Variants in SLC25A13 observed in about 807,000 individuals in gnomAD.
SLC25A13 encodes the protein solute carrier family 25 member 13.
A neutral mutation model predicts 85.5 loss-of-function variants in SLC25A13; 70 were observed. The ratio of observed to expected loss-of-function variants is 0.82; its 90% CI spans 0.68 to 1.00. The LOEUF (loss-of-function observed/expected upper bound fraction) is 1.00. Ranked by LOEUF, SLC25A13 falls within the 50% of genes least tolerant of loss-of-function variation. SLC25A13 has a pLI of 0.00. For missense variants in SLC25A13, 765 were observed against 819.8 expected (o/e 0.93, Z 0.82); for synonymous variants, 259 against 288.7 (o/e 0.90, Z 1.04).
chr7:96,155,848 A>G (rs1793241313), intron 13 of SLC25A13, among the ~76,000 whole-genome samples: 1 of 152,152 alleles, frequency 6.6e-6, no homozygotes, highest in South Asian at 2.1e-4. Context: ...GACACAAGCT[A>G]TATTATTCCC....
chr7:96,186,020 A>G (rs1794629629), intron 9 of SLC25A13, among the ~76,000 whole-genome samples: 1 of 152,196 alleles, frequency 6.6e-6, no homozygotes, highest in East Asian at 1.9e-4. Context: ...TTAAGTGGCA[A>G]TACCCAGCCT....
chr7:96,300,305 CCTCATAAA>C (rs1354152869), intron 1 of SLC25A13, among the ~76,000 whole-genome samples: 1 of 152,076 alleles, frequency 6.6e-6, no homozygotes, highest in African/African-American at 2.4e-5. Flanking sequence ...GCAGGACCAA[CCTCATAAA>C]CTCACTGGCC....
At chr7:96,189,508 CT>C in intron 8 of SLC25A13, 72 bp downstream of exon 8, 1 of 1,541,926 alleles carries the variant, frequency 6.5e-7, no homozygotes. Context: ...TCTTTTTCTC[CT>C]GATTGCTGCC....
chr7:96,210,769 C>T (rs1041595002), intron 4 of SLC25A13, among the ~76,000 whole-genome samples: 1 of 150,916 alleles, frequency 6.6e-6, no homozygotes, highest in South Asian at 2.1e-4. Context: ...AAGATGTGAC[C>T]AAAAGAAAAA....
chr7:96,216,686 G>T (rs1412950966), intron 4 of SLC25A13, among the ~76,000 whole-genome samples: 1 of 152,178 alleles, frequency 6.6e-6, no homozygotes, highest in African/African-American at 2.4e-5. Context: ...CTTTAAGTGG[G>T]AGCTAAATGG....
chr7:96,160,241 TGAGAC>T (rs1793454308), intron 13 of SLC25A13, among the ~76,000 whole-genome samples: 2 of 152,202 alleles, frequency 1.3e-5, no homozygotes, highest in South Asian at 4.1e-4. Context: ...CAAACAACTC[TGAGAC>T]TTTCCCAGAG....
intron 2 of SLC25A13, among the ~76,000 whole-genome samples, chr7:96,280,788 A>C (rs955217104): frequency 1.3e-5 from 2 of 152,186 alleles, no homozygotes; most frequent in African/African-American, 4.8e-5. Context: ...ATAATAAGTG[A>C]TGGCAAAAAT....
Position 96,189,284 on chromosome 7 carries a change from C to A in SLC25A13, c.933+10G>T, listed in dbSNP as rs774663950. On this transcript the variant is annotated intron_variant, in intron 9 of 17. Coordinates refer to ENST00000265631, the MANE Select transcript of SLC25A13 (RefSeq NM_014251.3). Reference sequence around the variant, plus strand: ...AACCCCAGAATGCAAGTTTGCTCCTCTTTGCTCACCTGCCTCTGGGCCTCA... The same window carrying A: ...AACCCCAGAATGCAAGTTTGCTCCTATTTGCTCACCTGCCTCTGGGCCTCA... 1.2e-6 allele frequency: 2 copies of A among 1,613,506 alleles called. No individual in the cohort carries two copies. The highest frequency in any genetic ancestry group is 1.7e-5 in the Admixed American group (1 of 59,978).
At chr7:96,272,896 AATC>A (rs1282522796) in intron 3 of SLC25A13, among the ~76,000 whole-genome samples, 1 of 152,242 alleles carries the variant, frequency 6.6e-6, no homozygotes, top group East Asian at 1.9e-4. Context: ...TTCAGCAAAG[AATC>A]ATCATGGATG....
intron 2 of SLC25A13, among the ~76,000 whole-genome samples, chr7:96,290,462 T>C (rs923740453): frequency 4.3e-4 from 65 of 152,194 alleles, no homozygotes; most frequent in African/African-American, 1.5e-3. Context: ...AATGCTCCAA[T>C]TAAAAGACAC....
chr7:96,284,995 A>G (rs902309353), intron 2 of SLC25A13, among the ~76,000 whole-genome samples: 1 of 151,844 alleles, frequency 6.6e-6, no homozygotes, highest in Non-Finnish European at 1.5e-5. Context: ...AGTAGGCATC[A>G]TCTCTTTTCC....
intron 13 of SLC25A13, among the ~76,000 whole-genome samples, chr7:96,169,143 T>G (rs574842696): frequency 6.6e-6 from 1 of 152,284 alleles, no homozygotes; most frequent in East Asian, 1.9e-4. Flanking sequence ...CTGCTACATT[T>G]AAGAAACCAT....
intron 13 of SLC25A13, among the ~76,000 whole-genome samples, chr7:96,149,608 C>T (rs1194265465): frequency 6.6e-6 from 1 of 152,144 alleles, no homozygotes; most frequent in Non-Finnish European, 1.5e-5. Flanking sequence ...CTGTGGTGGC[C>T]TCTGAAAGAA....
rs1794754017 is a variant in SLC25A13 at position 96,189,332 on chromosome 7, C to T, written c.895G>A (p.Gly299Arg). Reference sequence around the variant, plus strand: ...TCAGCCAAGTTAAAGGGCAGAGTTCCCTCTTCCAGAGGAGCAATCCGTTCA... The same window carrying T: ...TCAGCCAAGTTAAAGGGCAGAGTTCTCTCTTCCAGAGGAGCAATCCGTTCA... ...DIERIAPLEE[G>R]TLPFNLAEAQ... Residue 299 changes from glycine (G) to arginine (R), a missense_variant, in exon 9 of 18, where the codon GGA becomes AGA. By Grantham distance (125) the Gly-to-Arg change is moderately radical (BLOSUM62 -2). Transcript: ENST00000265631. 1.9e-6 allele frequency: 3 copies of T among 1,614,180 alleles called. No individual in the cohort carries two copies. The highest frequency in any genetic ancestry group is 2.5e-6 in the Non-Finnish European group (3 of 1,180,022).
chr7:96,272,953 G>A (rs1233679052), intron 3 of SLC25A13, among the ~76,000 whole-genome samples: 2 of 152,168 alleles, frequency 1.3e-5, no homozygotes, highest in Non-Finnish European at 2.9e-5. Flanking sequence ...ATATCCATGT[G>A]ATCTTGACAT....
intron 14 of SLC25A13, among the ~76,000 whole-genome samples, chr7:96,145,831 G>A (rs1325603215): frequency 6.6e-6 from 1 of 152,138 alleles, no homozygotes; most frequent in East Asian, 1.9e-4. Context: ...TAATGTGACT[G>A]TATACATTTC....
chr7:96,277,794 T>C (rs1342706523), intron 2 of SLC25A13, among the ~76,000 whole-genome samples: 3 of 88,044 alleles, frequency 3.4e-5, no homozygotes, highest in Non-Finnish European at 5.3e-5. Flanking sequence ...GGCACATAGC[T>C]TTTTAAAAAA....
chr7:96,124,659 G>A (rs1185298626), intron 15 of SLC25A13, among the ~76,000 whole-genome samples: 1 of 152,116 alleles, frequency 6.6e-6, no homozygotes, highest in East Asian at 1.9e-4. Flanking sequence ...ACTGTTTTAT[G>A]AAACTTCATA....
At chr7:96,266,896 G>T (rs1430214032) in intron 3 of SLC25A13, among the ~76,000 whole-genome samples, 3 of 152,140 alleles carry the variant, frequency 2.0e-5, no homozygotes, top group Non-Finnish European at 4.4e-5. Flanking sequence ...AGATTAATTT[G>T]GGAGTCTGAT....
Sources: gnomAD v4.1 joint callset for allele counts (sites outside exome capture counted in the v4.1 genomes callset) on GRCh38, gnomAD v4.1.1 for gene constraint, MANE v1.5 for transcripts, NCBI Gene and HGNC (gene_info 2026-07-23, HGNC 2026-07-21) for gene names.